Variants in GOLGB1 observed in about 807,000 individuals in gnomAD.
GOLGB1 encodes the protein golgin subfamily B member 1.
A neutral mutation model predicts 336.9 loss-of-function variants in GOLGB1; 174 were observed. The ratio of observed to expected loss-of-function variants is 0.52; its 90% CI spans 0.46 to 0.59. The LOEUF (loss-of-function observed/expected upper bound fraction) is 0.59. GOLGB1 is among the 20% of genes least tolerant of loss of function. The pLI is 0.00. For synonymous variants in GOLGB1, 1,208 were observed against 1,289.2 expected, an observed-to-expected ratio of 0.94 and a Z score of 1.35; for missense variants, 3,331 against 3,645.3, an observed-to-expected ratio of 0.91 and a Z score of 2.22.
Position 121,664,448 on chromosome 3 carries a change from G to T in GOLGB1, c.*32C>A. 3 of 1,593,532 alleles carry T rather than the reference G, an allele frequency of 1.9e-6. No homozygotes were observed. Among genetic ancestry groups the T allele is most frequent in the Non-Finnish European group, 2.6e-6 (3 of 1,161,406 alleles). On this transcript the variant is annotated 3_prime_UTR_variant, in exon 22 of 22. Transcript: ENST00000614479. Reference sequence around the variant, plus strand: ...TAGAGGTGAGAGAATTCCAAGTTTTGAGGGGAGTGGTCCAAAGAGTAACAA... The same window carrying T: ...TAGAGGTGAGAGAATTCCAAGTTTTTAGGGGAGTGGTCCAAAGAGTAACAA...
In GOLGB1 at chr3:121,694,411, CTT is replaced by C. The variant is rs1942751149; in HGVS notation, c.6110_6111del (p.Gln2037ArgfsTer4). ...KQLQKDCIRY[Q>X]EKISALERTV... ...GTTCTCTCCAGAGCACTAATTTTCT[CTT>C]GATACCTGATGCAGTCCTTCTGTAG... is the stretch of plus-strand genomic sequence containing the variant. On this transcript the variant is annotated frameshift_variant, in exon 13 of 22. Coordinates refer to ENST00000614479, the MANE Select transcript of GOLGB1 (RefSeq NM_001366282.2). LOFTEE classifies it high-confidence loss of function. 2 of 1,613,314 alleles carry C rather than the reference CTT, an allele frequency of 1.2e-6. No individual in the cohort carries two copies. The highest frequency in any genetic ancestry group is 1.7e-6 in the Non-Finnish European group (2 of 1,179,478).
intron 20 of GOLGB1, 47 bp downstream of exon 20, chr3:121,667,429 T>A (rs769091189): frequency 6.3e-7 from 1 of 1,580,482 alleles, no homozygotes. Context: ...ATGAGTTTGA[T>A]CAGAAAGGAT....
intron 1 of GOLGB1, among the ~76,000 whole-genome samples, chr3:121,742,484 TTAAATG>T (rs1946941178): frequency 6.6e-6 from 1 of 152,178 alleles, no homozygotes; most frequent in Admixed American, 6.5e-5. Flanking sequence ...GATTAAAGAC[TTAAATG>T]TTAGACCTAA....
At position 121,697,720 on chromosome 3, in the gene GOLGB1, T is replaced by A. The variant is rs1377286562; in HGVS notation, c.2803A>T (p.Thr935Ser). The A allele has an allele frequency of 1.9e-6, 3 of 1,613,982 alleles. No homozygotes were observed. The highest frequency in any genetic ancestry group is 3.3e-5 in the Admixed American group (2 of 60,018). Residue 935 changes from threonine (T) to serine (S), a missense_variant, in exon 13 of 22, where the codon ACT (threonine) becomes TCT (serine). Transcript: ENST00000614479. ...AATAAATTTAGCTGTTCTTTAAGAGTCTTAATTTCAACCCCAAGAGAAAAC... is the reference window on the plus strand; with the variant it reads ...AATAAATTTAGCTGTTCTTTAAGAGACTTAATTTCAACCCCAAGAGAAAAC... The part of the protein sequence containing the change: ...EKFSLGVEIK[T>S]LKEQLNLLSR...
At chr3:121,737,371 G>A (rs141079827) in intron 1 of GOLGB1, among the ~76,000 whole-genome samples, 2,124 of 152,204 alleles carry the variant, frequency 0.014, 34 homozygotes, top group Non-Finnish European at 0.02. Flanking sequence ...CCTCAGCAGG[G>A]GCCGGGCGTG....
Position 121,695,437 on chromosome 3 carries a change from C to T in GOLGB1, c.5086G>A (p.Glu1696Lys). ...FAKSKQQKIL[E>K]LEEENDRLRA... ...AGCCGGTCATTCTCTTCTTCCAGCT[C>T]TAGGATTTTCTGCTGTTTAGATTTA... Residue 1696 changes from glutamate to lysine, a missense_variant, in exon 13 of 22, where the codon GAG becomes AAG. Glu to Lys is a moderately conservative substitution (Grantham distance 56). Transcript: ENST00000614479. 1 of 1,614,074 alleles carries T rather than the reference C, an allele frequency of 6.2e-7. No homozygotes were observed. Among genetic ancestry groups the T allele is most frequent in the Non-Finnish European group, 8.5e-7 (1 of 1,180,004 alleles).
intron 4 of GOLGB1, among the ~76,000 whole-genome samples, chr3:121,727,850 T>G (rs932412728): frequency 1.4e-4 from 21 of 152,154 alleles, no homozygotes; most frequent in Admixed American, 1.2e-3. Context: ...CAACTATACT[T>G]TCCACAGAAT....
At position 121,696,289 on chromosome 3, in the gene GOLGB1, C is replaced by G; in HGVS notation, c.4234G>C (p.Asp1412His). 1 of 1,613,968 alleles carries G rather than the reference C, an allele frequency of 6.2e-7. No individual in the cohort carries two copies. Among genetic ancestry groups the G allele is most frequent in the Non-Finnish European group, 8.5e-7 (1 of 1,179,982 alleles). ...LQKLISKKEE[D>H]VSYLSGQLSE... ...AGTTGTCCAGAAAGGTAGCTAACGT[C>G]TTCTTCCTTTTTGCTTATGAGTTTT... is the stretch of plus-strand genomic sequence containing the variant. The change falls in exon 13 of 22, where the codon GAC becomes CAC. Residue 1412 changes from aspartate to histidine, a missense_variant. Asp to His is a moderately conservative substitution (Grantham distance 81). Transcript: ENST00000614479.
intron 11 of GOLGB1, among the ~76,000 whole-genome samples, chr3:121,700,353 AAAG>A (rs1433466874): frequency 6.6e-6 from 1 of 152,126 alleles, no homozygotes; most frequent in African/African-American, 2.4e-5. Flanking sequence ...ATAAGGAAAC[AAAG>A]AAATGACACA....
At chr3:121,741,412 A>G (rs1946848753) in intron 1 of GOLGB1, among the ~76,000 whole-genome samples, 1 of 152,222 alleles carries the variant, frequency 6.6e-6, no homozygotes, top group South Asian at 2.1e-4. Flanking sequence ...TGAATAGCAT[A>G]TGCAAAAAAT....
intron 19 of GOLGB1, among the ~76,000 whole-genome samples, chr3:121,667,824 T>C (rs182460676): frequency 5.9e-5 from 9 of 152,366 alleles, no homozygotes; most frequent in Admixed American, 2.0e-4. Flanking sequence ...CATTTTACTA[T>C]CATAGAGTAG....
intron 10 of GOLGB1, among the ~76,000 whole-genome samples, chr3:121,709,581 C>T (rs985277601): frequency 6.6e-6 from 1 of 152,064 alleles, no homozygotes; most frequent in Non-Finnish European, 1.5e-5. Context: ...CACTTCTAAA[C>T]AATCCATGGT....
At chr3:121,721,349 C>T (rs995872518) in intron 6 of GOLGB1, among the ~76,000 whole-genome samples, 1 of 152,020 alleles carries the variant, frequency 6.6e-6, no homozygotes, top group Admixed American at 6.6e-5. Context: ...CCCCACCCCC[C>T]AAAAAAAATT....
chr3:121,689,230 A>G (rs1173241490), intron 14 of GOLGB1, among the ~76,000 whole-genome samples: 10 of 152,204 alleles, frequency 6.6e-5, no homozygotes, highest in Non-Finnish European at 1.3e-4. Flanking sequence ...TGGGGAAAAG[A>G]TTGAGAAATC....
intron 1 of GOLGB1, among the ~76,000 whole-genome samples, chr3:121,743,337 C>T (rs1342519543): frequency 6.6e-6 from 1 of 152,136 alleles, no homozygotes; most frequent in Non-Finnish European, 1.5e-5. Context: ...AAGCTGGAAA[C>T]CATCATTCTC....
At chr3:121,727,293 C>CACATAT (rs1469055493) in intron 4 of GOLGB1, among the ~76,000 whole-genome samples, 14 of 27,580 alleles carry the variant, frequency 5.1e-4, no homozygotes, top group Admixed American at 8.1e-4. Context: ...CACACACACA[C>CACATAT]ATATATATAT....
chr3:121,700,972 A>T (rs907305451), intron 11 of GOLGB1, among the ~76,000 whole-genome samples: 3 of 152,174 alleles, frequency 2.0e-5, no homozygotes, highest in African/African-American at 4.8e-5. Flanking sequence ...GTTCATAGCT[A>T]TATACCCAGC....
chr3:121,734,514 A>C (rs9841861), intron 1 of GOLGB1, among the ~76,000 whole-genome samples: 19,214 of 152,180 alleles, frequency 0.13, 1,305 homozygotes, highest in East Asian at 0.24. Context: ...CAACATCAAT[A>C]AAGTAACACA....
chr3:121,725,169 T>C (rs534239503), intron 5 of GOLGB1, among the ~76,000 whole-genome samples: 11 of 150,508 alleles, frequency 7.3e-5, no homozygotes, highest in African/African-American at 2.7e-4. Flanking sequence ...CCCACTAGAG[T>C]AATGCCTAGT....
Sources: gnomAD v4.1 joint callset for allele counts (sites outside exome capture counted in the v4.1 genomes callset) on GRCh38, gnomAD v4.1.1 for gene constraint, MANE v1.5 for transcripts, NCBI Gene and HGNC (gene_info 2026-07-23, HGNC 2026-07-21) for gene names.